Variants in BCKDHB observed in about 807,000 individuals in gnomAD.
The protein encoded by BCKDHB is 2-oxoisovalerate dehydrogenase subunit beta, mitochondrial.
BCKDHB carries 41 observed loss-of-function variants against 48.5 expected under a neutral mutation model. That is an observed-to-expected ratio of 0.85 (90% CI 0.66 to 1.10). BCKDHB has a LOEUF of 1.10. BCKDHB is among the 50% of genes least tolerant of loss of function. The probability of loss-of-function intolerance (pLI) is 0.00; values close to 1 mark genes in which losing one functional copy is unlikely to be tolerated. For synonymous variants in BCKDHB, 201 were observed against 174.8 expected (o/e 1.15, Z -1.18); for missense variants, 496 against 494.2 (o/e 1.00, Z -0.03).
chr6:80,286,455 A>G (rs1415695137), intron 9 of BCKDHB, among the ~76,000 whole-genome samples: 2 of 152,220 alleles, frequency 1.3e-5, no homozygotes, highest in East Asian at 3.8e-4. Flanking sequence ...TTTAGTTAAT[A>G]ATATAAAGCA....
chr6:80,419,391 G>C, the BCKDHB span, among the ~76,000 whole-genome samples: 6 of 152,098 alleles, frequency 3.9e-5, no homozygotes, highest in Non-Finnish European at 8.8e-5. Flanking sequence ...GCCAGGCTGG[G>C]GCCCCAGGAG....
At chr6:80,264,554 G>T (rs1180652917) in intron 8 of BCKDHB, among the ~76,000 whole-genome samples, 2 of 151,974 alleles carry the variant, frequency 1.3e-5, no homozygotes, top group Non-Finnish European at 2.9e-5. Context: ...TAAGATTCTG[G>T]TTAGCTGATT....
At chr6:80,453,844 G>A in the BCKDHB span, among the ~76,000 whole-genome samples, 1 of 151,992 alleles carries the variant, frequency 6.6e-6, no homozygotes, top group Non-Finnish European at 1.5e-5. Flanking sequence ...TTAGGTATTC[G>A]GCAAGTTTCT....
intron 9 of BCKDHB, among the ~76,000 whole-genome samples, chr6:80,300,843 A>C (rs1405476854): frequency 6.6e-6 from 1 of 152,216 alleles, no homozygotes; most frequent in Non-Finnish European, 1.5e-5. Flanking sequence ...ATATAAATCA[A>C]TATCAAGAAG....
chr6:80,458,900 A>G, the BCKDHB span, among the ~76,000 whole-genome samples: 903 of 152,236 alleles, frequency 5.9e-3, 9 homozygotes, highest in African/African-American at 0.02. Context: ...ATCATCAGGA[A>G]AATGCAAATT....
At chr6:80,110,820 T>A (rs1769372606) in intron 1 of BCKDHB, among the ~76,000 whole-genome samples, 1 of 152,198 alleles carries the variant, frequency 6.6e-6, no homozygotes, top group Non-Finnish European at 1.5e-5. Flanking sequence ...AATTGGGTAT[T>A]GTTTTTGATT....
At chr6:80,427,634 C>T in the BCKDHB span, among the ~76,000 whole-genome samples, 1 of 152,062 alleles carries the variant, frequency 6.6e-6, no homozygotes, top group African/African-American at 2.4e-5. Context: ...TTGTGCCTGA[C>T]TGATGACAAT....
intron 9 of BCKDHB, among the ~76,000 whole-genome samples, chr6:80,311,623 T>C (rs1327536480): frequency 6.6e-6 from 1 of 152,080 alleles, no homozygotes; most frequent in Non-Finnish European, 1.5e-5. Context: ...AAAGAAGGGG[T>C]CCAGCTTCAG....
chr6:80,345,707 TG>T lies in BCKDHB; in HGVS notation c.*1904del, dbSNP rs1366898030. Reference sequence around the variant, plus strand: ...GGTTAGAGGACTCCTTCACTTTTGTTGTCCATGTGGTTCCCTTCCGTGGACC... The same window carrying T: ...GGTTAGAGGACTCCTTCACTTTTGTTTCCATGTGGTTCCCTTCCGTGGACC... On this transcript the variant is annotated 3_prime_UTR_variant, in exon 10 of 10. Coordinates refer to ENST00000320393, the MANE Select transcript of BCKDHB (RefSeq NM_183050.4). 1.3e-5 allele frequency: 2 copies of T among 152,224 alleles called. No individual in the cohort carries two copies. The highest frequency in any genetic ancestry group is 4.8e-5 in the African/African-American group (2 of 41,448). 9.4% of individuals were successfully genotyped at this position (152,224 alleles called of 1,614,324 possible). A position where few individuals can be genotyped will look rare whatever the true frequency, so the allele number is the denominator to read the frequency against.
rs1016915776 is a variant in BCKDHB at position 80,191,390 on chromosome 6, A to G, written c.743-9544A>G. 9.9e-5 allele frequency among the ~76,000 whole-genome samples: 15 copies of G among 152,120 alleles called. 1 individual carries two copies. The highest frequency in any genetic ancestry group is 2.2e-4 in the Non-Finnish European group (15 of 68,012). On this transcript the variant is annotated intron_variant, in intron 6 of 9. Coordinates refer to ENST00000320393, the MANE Select transcript of BCKDHB (RefSeq NM_183050.4). ...AGCTAGTGCTTGGTGTCTAGGGGGA[A>G]TTGTTGCTCCTCATGGGTAATATTG...
intron 6 of BCKDHB, among the ~76,000 whole-genome samples, chr6:80,183,674 A>T (rs1582305987): frequency 6.6e-6 from 1 of 152,162 alleles, no homozygotes; most frequent in Non-Finnish European, 1.5e-5. Context: ...GTATGATGAC[A>T]TGTATCTACC....
chr6:80,407,868 C>T, the BCKDHB span, among the ~76,000 whole-genome samples: 1 of 152,136 alleles, frequency 6.6e-6, no homozygotes, highest in African/African-American at 2.4e-5. Context: ...CCTGATTGCC[C>T]TGGCTGGAAC....
chr6:80,220,784 G>C (rs535256817), intron 8 of BCKDHB, among the ~76,000 whole-genome samples: 1 of 147,168 alleles, frequency 6.8e-6, no homozygotes, highest in East Asian at 2.0e-4. Flanking sequence ...ACTCAGGCTG[G>C]AGTGCAGTGG....
At chr6:80,323,358 T>C (rs1324453291) in intron 9 of BCKDHB, among the ~76,000 whole-genome samples, 1 of 152,228 alleles carries the variant, frequency 6.6e-6, no homozygotes, top group African/African-American at 2.4e-5. Context: ...TTTTTAATTA[T>C]CAATTTTGTT....
At chr6:80,179,336 A>C (rs1258108464) in intron 6 of BCKDHB, among the ~76,000 whole-genome samples, 1 of 152,200 alleles carries the variant, frequency 6.6e-6, no homozygotes, top group African/African-American at 2.4e-5. Context: ...CCAGAGCCAT[A>C]AGTTTAACCA....
At chr6:80,138,415 G>A (rs1229132381) in intron 3 of BCKDHB, among the ~76,000 whole-genome samples, 2 of 151,890 alleles carry the variant, frequency 1.3e-5, no homozygotes, top group African/African-American at 2.4e-5. Context: ...CTAGCATTAG[G>A]TATATCTCCC....
intron 3 of BCKDHB, among the ~76,000 whole-genome samples, chr6:80,155,458 A>G (rs1326780248): frequency 6.6e-6 from 1 of 152,164 alleles, no homozygotes; most frequent in African/African-American, 2.4e-5. Flanking sequence ...TCAAGCTGCC[A>G]GTTACTGGCT....
intron 9 of BCKDHB, among the ~76,000 whole-genome samples, chr6:80,288,286 A>G (rs1443209448): frequency 1.3e-5 from 2 of 152,034 alleles, no homozygotes; most frequent in Non-Finnish European, 2.9e-5. Context: ...GGCAAATTAC[A>G]CTGTTATTTA....
At chr6:80,247,342 T>A (rs1028629556) in intron 8 of BCKDHB, among the ~76,000 whole-genome samples, 1 of 152,358 alleles carries the variant, frequency 6.6e-6, no homozygotes, top group East Asian at 1.9e-4. Flanking sequence ...ATTTCAAAAA[T>A]ATTATCCTGT....
Sources: gnomAD v4.1 joint callset for allele counts (sites outside exome capture counted in the v4.1 genomes callset) on GRCh38, gnomAD v4.1.1 for gene constraint, MANE v1.5 for transcripts, NCBI Gene and HGNC (gene_info 2026-07-23, HGNC 2026-07-21) for gene names.